The following ARHGEF28 variants were observed in gnomAD, a reference collection of about 807,000 sequenced individuals.
ARHGEF28 encodes the protein 190 kDa guanine nucleotide exchange factor.
ARHGEF28 carries 152 observed loss-of-function variants against 206.6 expected under a neutral mutation model. That is an observed-to-expected ratio of 0.74 (90% CI 0.64 to 0.84). ARHGEF28 has a LOEUF of 0.84. Among genes scored for constraint, ARHGEF28 ranks in the 40% least tolerant of loss-of-function variants. ARHGEF28 has a pLI of 0.00. For synonymous variants in ARHGEF28, 763 were observed against 776.4 expected (o/e 0.98, Z 0.29); for missense variants, 2,028 against 2,073.2 (o/e 0.98, Z 0.42).
intron 9 of ARHGEF28, among the ~76,000 whole-genome samples, chr5:73,811,543 T>C (rs1223534628): frequency 1.3e-5 from 2 of 152,194 alleles, no homozygotes; most frequent in Admixed American, 6.5e-5. Context: ...CAAGAGTGAA[T>C]GTAAATGCTC....
intron 10 of ARHGEF28, among the ~76,000 whole-genome samples, chr5:73,836,064 G>A (rs949582001): frequency 6.6e-6 from 1 of 152,154 alleles, no homozygotes; most frequent in African/African-American, 2.4e-5. Flanking sequence ...GGACACTTAG[G>A]TTGATTCCAT....
intron 3 of ARHGEF28, among the ~76,000 whole-genome samples, chr5:73,752,176 C>T (rs897300512): frequency 2.6e-5 from 4 of 152,056 alleles, no homozygotes; most frequent in Non-Finnish European, 4.4e-5. Context: ...CTGCCAAGGG[C>T]AGCATAAAAA....
chr5:73,853,643 G>A (rs937549637), intron 14 of ARHGEF28, among the ~76,000 whole-genome samples: 1 of 152,076 alleles, frequency 6.6e-6, no homozygotes, highest in African/African-American at 2.4e-5. Flanking sequence ...AGTTGACTTC[G>A]TGACAATGGC....
chr5:73,633,920 G>C (rs1743536673), intron 1 of ARHGEF28, among the ~76,000 whole-genome samples: 1 of 152,050 alleles, frequency 6.6e-6, no homozygotes, highest in African/African-American at 2.4e-5. Flanking sequence ...CACGTTCATA[G>C]TCATCTCAAA....
chr5:73,786,882 G>A (rs1180048578), intron 7 of ARHGEF28, among the ~76,000 whole-genome samples: 11 of 152,190 alleles, frequency 7.2e-5, no homozygotes, highest in African/African-American at 1.2e-4. Flanking sequence ...CCAGCCATTC[G>A]TGTCGTGGTG....
At chr5:73,897,261 A>G (rs554030858) in intron 29 of ARHGEF28, among the ~76,000 whole-genome samples, 2 of 152,280 alleles carry the variant, frequency 1.3e-5, no homozygotes, top group South Asian at 2.1e-4. Context: ...GCTGATGGAG[A>G]TGAGTGCTGA....
At chr5:73,898,163 G>A (rs767098491) in intron 30 of ARHGEF28, 70 bp downstream of exon 30, 325 of 1,548,580 alleles carry the variant, frequency 2.1e-4, no homozygotes, top group Middle Eastern at 3.5e-4. Context: ...GTCACGTAAA[G>A]TAAAGGCAAT....
rs1424198147 is a variant in ARHGEF28 at position 73,886,056 on chromosome 5, T to C, written c.3262T>C (p.Leu1088=). The C allele has an allele frequency of 3.7e-6, 6 of 1,613,856 alleles. No individual in the cohort carries two copies. The South Asian group carries it at 6.6e-5, about 18-fold the overall frequency. Residue 1088 remains leucine, a synonymous_variant, in exon 25 of 36, where the codon TTA becomes CTA. Coordinates refer to ENST00000513042, the MANE Select transcript of ARHGEF28 (RefSeq NM_001177693.2). The stretch of plus-strand genomic sequence containing the variant: ...ACTGATGAGTGAAGAAAGGACTCTG[T>C]TATATGATGGCCTTGTTTACTGGAA... The part of the protein sequence containing the change: ...QALMSEERTL[L]YDGLVYWKTA...
Position 73,670,555 on chromosome 5 carries a change from C to T in ARHGEF28, c.-11-14286C>T, listed in dbSNP as rs188601876. ...CAGTTGCTGGTGGCAGTTGCATGTT[C>T]GGTTTTAAGAAACTGCTAAACTGCT... is the stretch of plus-strand genomic sequence containing the variant. On this transcript the variant is annotated intron_variant, in intron 1 of 35. Transcript: ENST00000513042. Among the ~76,000 whole-genome samples, 34 of 152,242 alleles carry T rather than the reference C, an allele frequency of 2.2e-4. No individual in the cohort carries two copies. In the East Asian group the frequency reaches 6.4e-3, roughly 29 times the overall value.
intron 35 of ARHGEF28, among the ~76,000 whole-genome samples, chr5:73,930,434 A>G (rs1764045408): frequency 6.6e-6 from 1 of 152,224 alleles, no homozygotes; most frequent in Admixed American, 6.5e-5. Context: ...GACTCACAGC[A>G]GATTTTGGAG....
At position 73,923,181 on chromosome 5, in the gene ARHGEF28, G is replaced by A. The variant is rs111373636; in HGVS notation, c.4948+11606G>A. On this transcript the variant is annotated intron_variant, in intron 35 of 35. Transcript: ENST00000513042. ...CTTTGAAAGGTAATACTGCAAGGGG[G>A]GTGCTTAGCCTTCTTTTAGGGTACT... is the stretch of plus-strand genomic sequence containing the variant. 777 of 1,533,044 alleles carry A rather than the reference G, an allele frequency of 5.1e-4. 3 individuals are homozygous for A. The African/African-American group carries it at 8.8e-3, about 17-fold the overall frequency. 95.0% of individuals were successfully genotyped at this position (1,533,044 alleles called of 1,614,324 possible).
At position 73,867,913 on chromosome 5, in the gene ARHGEF28, C is replaced by T. The variant is rs369841940; in HGVS notation, c.2190C>T (p.Ser730=). The change falls in exon 19 of 36, where the codon TCC becomes TCT. Residue 730 remains serine (S), a synonymous_variant. Coordinates refer to ENST00000513042, the MANE Select transcript of ARHGEF28 (RefSeq NM_001177693.2). ...GAGACATCCCACAGCCTGGTCTCTC[C>T]TTGCACCCTTCTTCCTCCGTGCCTG... ...SFRDIPQPGL[S]LHPSSSVPVG... 29 of 1,613,898 alleles carry T rather than the reference C, an allele frequency of 1.8e-5. No individual in the cohort carries two copies. Among genetic ancestry groups the T allele is most frequent in the African/African-American group, 5.3e-5 (4 of 74,938 alleles).
In ARHGEF28 at chr5:73,852,681, A is replaced by C. The variant is rs371222973; in HGVS notation, c.1779A>C (p.Pro593=). The C allele has an allele frequency of 5.6e-5, 91 of 1,613,680 alleles. No individual in the cohort carries two copies. In the East Asian group the frequency reaches 1.2e-3, roughly 21 times the overall value. The part of the protein sequence containing the change: ...EQRAYSLSEP[P]RENRIQEEEW... ...GAGCTTACAGCTTATCGGAGCCACC[A>C]AGAGAAAACAGGTACTTTTAACTAT... The change falls in exon 14 of 36, where the codon CCA becomes CCC. Residue 593 remains proline (P), a synonymous_variant. Transcript: ENST00000513042.
rs200553351 is a variant in ARHGEF28, at chr5:73,806,897, CTAAATA to C, written c.1024+11511_1024+11516del. Among the ~76,000 whole-genome samples, 541 of 145,970 alleles carry C rather than the reference CTAAATA, an allele frequency of 3.7e-3. 8 individuals are homozygous for C. Among genetic ancestry groups the C allele is most frequent in the African/African-American group, 0.013 (520 of 39,792 alleles). ...TTGTATATATTTATATATATACAATCTAAATATAAACAATATAAAATCTATATACAA... is the reference window on the plus strand; with the variant it reads ...TTGTATATATTTATATATATACAATCTAAACAATATAAAATCTATATACAA... On this transcript the variant is annotated intron_variant, in intron 9 of 35. Transcript: ENST00000513042.
chr5:73,720,925 C>T (rs1182230034), intron 2 of ARHGEF28, among the ~76,000 whole-genome samples: 1 of 152,198 alleles, frequency 6.6e-6, no homozygotes, highest in African/African-American at 2.4e-5. Flanking sequence ...AAGATCCATG[C>T]CTGTTCAAAA....
chr5:73,689,918 G>T (rs2112261104), intron 2 of ARHGEF28, among the ~76,000 whole-genome samples: 1 of 152,292 alleles, frequency 6.6e-6, no homozygotes, highest in East Asian at 1.9e-4. Flanking sequence ...AAGTGCAAAA[G>T]CCTGGAAAAG....
At chr5:73,759,509 T>C (rs112868366) in intron 4 of ARHGEF28, among the ~76,000 whole-genome samples, 152 of 152,266 alleles carry the variant, frequency 1.0e-3, no homozygotes, top group African/African-American at 3.3e-3. Context: ...GCTTTACACA[T>C]AATGGAAAGA....
chr5:73,817,450 A>G (rs1756292519), intron 9 of ARHGEF28, among the ~76,000 whole-genome samples: 1 of 152,238 alleles, frequency 6.6e-6, no homozygotes, highest in Non-Finnish European at 1.5e-5. Context: ...TCTGAGTCCC[A>G]AAATAACTCT....
At chr5:73,711,213 T>A (rs370687982) in intron 2 of ARHGEF28, among the ~76,000 whole-genome samples, 2 of 152,210 alleles carry the variant, frequency 1.3e-5, no homozygotes, top group South Asian at 4.1e-4. Context: ...ATTTCACTGG[T>A]ATTATACTGT....
Sources: gnomAD v4.1 joint callset for allele counts (sites outside exome capture counted in the v4.1 genomes callset) on GRCh38, gnomAD v4.1.1 for gene constraint, MANE v1.5 for transcripts, NCBI Gene and HGNC (gene_info 2026-07-23, HGNC 2026-07-21) for gene names.